Variants in KIT observed in about 807,000 individuals in gnomAD.
The protein encoded by KIT is KIT proto-oncogene, receptor tyrosine kinase, also known as mast/stem cell growth factor receptor Kit.
In KIT, 16 loss-of-function variants were observed where a neutral mutation model predicts 105.7. That is an observed-to-expected ratio of 0.15 (90% CI 0.10 to 0.23). KIT has a LOEUF of 0.23. Among genes scored for constraint, KIT ranks in the 10% least tolerant of loss-of-function variants. The probability of loss-of-function intolerance (pLI) is 1.00; values close to 1 mark genes in which losing one functional copy is unlikely to be tolerated. For missense variants in KIT, 858 were observed against 1,213.8 expected, an observed-to-expected ratio of 0.71 and a Z score of 4.36; for synonymous variants, 438 against 441.1, an observed-to-expected ratio of 0.99 and a Z score of 0.09.
chr4:54,705,837 G>A (rs972856575), intron 5 of KIT, among the ~76,000 whole-genome samples: 7 of 152,144 alleles, frequency 4.6e-5, no homozygotes, highest in Non-Finnish European at 1.0e-4. Context: ...AGCTGTGATC[G>A]TGCCACTGTG....
At chr4:54,712,012 A>G (rs1463775206) in intron 7 of KIT, among the ~76,000 whole-genome samples, 4 of 152,074 alleles carry the variant, frequency 2.6e-5, no homozygotes, top group Non-Finnish European at 4.4e-5. Flanking sequence ...AAAAGTCTTA[A>G]TGTTCATCTC....
chr4:54,688,767 C>T (rs1371305596), intron 1 of KIT, among the ~76,000 whole-genome samples: 3 of 151,782 alleles, frequency 2.0e-5, no homozygotes, highest in African/African-American at 7.3e-5. Flanking sequence ...TTTATTTTTA[C>T]GAATTGTGGT....
rs138794872 is a variant in KIT at position 54,693,959 on chromosome 4, G to A, written c.68-1553G>A. 6.6e-5 allele frequency among the ~76,000 whole-genome samples: 10 copies of A among 152,172 alleles called. No individual in the cohort carries two copies. The East Asian group carries it at 1.7e-3, about 26-fold the overall frequency. The stretch of plus-strand genomic sequence containing the variant: ...GTAGGTTCTCATTACTTCTGCCTGC[G>A]ACCAGCATGTTTCACTCATTTCCTT... On this transcript the variant is annotated intron_variant, in intron 1 of 20. Coordinates refer to ENST00000288135, the MANE Select transcript of KIT (RefSeq NM_000222.3).
At chr4:54,730,689 G>A (rs1722530226) in intron 14 of KIT, among the ~76,000 whole-genome samples, 1 of 152,060 alleles carries the variant, frequency 6.6e-6, no homozygotes, top group African/African-American at 2.4e-5. Context: ...TGTGCTTTGG[G>A]ATCCCATATG....
At chr4:54,738,207 A>G (rs1348061260) in intron 20 of KIT, among the ~76,000 whole-genome samples, 2 of 152,144 alleles carry the variant, frequency 1.3e-5, no homozygotes, top group Non-Finnish European at 2.9e-5. Context: ...TTTTGTCCCC[A>G]CTTCTTGTAT....
chr4:54,705,405 A>G (rs555401708), intron 5 of KIT, among the ~76,000 whole-genome samples: 43 of 152,166 alleles, frequency 2.8e-4, no homozygotes, highest in Non-Finnish European at 8.8e-5. Flanking sequence ...TGAAGAGAAC[A>G]GGGCTTTGGT....
intron 1 of KIT, among the ~76,000 whole-genome samples, chr4:54,686,417 A>G (rs1441574734): frequency 6.6e-6 from 1 of 152,228 alleles, no homozygotes; most frequent in Non-Finnish European, 1.5e-5. Flanking sequence ...TTTAAAAGCT[A>G]AACAGAAATT....
At chr4:54,670,836 G>T (rs980695910) in intron 1 of KIT, among the ~76,000 whole-genome samples, 1 of 152,128 alleles carries the variant, frequency 6.6e-6, no homozygotes, top group Non-Finnish European at 1.5e-5. Flanking sequence ...GGCTTGCTGG[G>T]TTTCACCACT....
chr4:54,723,888 G>A (rs1722055558), intron 8 of KIT, among the ~76,000 whole-genome samples, 190 bp downstream of exon 8: 1 of 151,994 alleles, frequency 6.6e-6, no homozygotes, highest in Non-Finnish European at 1.5e-5. Context: ...TTTGTTTGCT[G>A]AAAAATCATT....
At chr4:54,675,800 C>G (rs1718423208) in intron 1 of KIT, among the ~76,000 whole-genome samples, 1 of 152,108 alleles carries the variant, frequency 6.6e-6, no homozygotes, top group Non-Finnish European at 1.5e-5. Flanking sequence ...GAGGATCTCA[C>G]TGGATTAGTA....
At chr4:54,718,221 C>T (rs1721625102) in intron 7 of KIT, among the ~76,000 whole-genome samples, 1 of 152,206 alleles carries the variant, frequency 6.6e-6, no homozygotes, top group South Asian at 2.1e-4. Flanking sequence ...CTGCCTCAGC[C>T]TCCCGAGTAG....
At position 54,658,091 on chromosome 4, in the gene KIT, C is replaced by T. The variant is rs1577898787; in HGVS notation, c.67+10C>T. On this transcript the variant is annotated intron_variant, in intron 1 of 20. Transcript: ENST00000288135. ...CTTCGCGTCCAGACAGGTGGGACAC[C>T]GCGGCTGGCACCCCGACCGTGCGAC... is the stretch of plus-strand genomic sequence containing the variant. The T allele has an allele frequency of 1.2e-6, 2 of 1,613,494 alleles. No homozygotes were observed. The highest frequency in any genetic ancestry group is 1.7e-6 in the Non-Finnish European group (2 of 1,179,646).
rs752695117 is a variant in KIT, at chr4:54,736,553, C to T, written c.2540C>T (p.Thr847Met). 1.2e-5 allele frequency: 19 copies of T among 1,613,940 alleles called. No homozygotes were observed. The highest frequency in any genetic ancestry group is 4.5e-5 in the East Asian group (2 of 44,898). The change falls in exon 18 of 21, where the codon ACG becomes ATG. Residue 847 changes from threonine (T) to methionine (M), a missense_variant. Physicochemically the swap from Thr to Met is moderately conservative, Grantham distance 81. This residue lies in a region of KIT where 63 missense variants were observed against 137.4 expected (regional missense o/e 0.46). Transcript: ENST00000288135. ...APESIFNCVY[T>M]FESDVWSYGI... ...GAAAGCATTTTCAACTGTGTATACA[C>T]GTTTGAAAGTGACGTCTGGTCCTAT...
rs544021839 is a variant in KIT, at chr4:54,665,928, T to C, written c.67+7847T>C. On this transcript the variant is annotated intron_variant, in intron 1 of 20. Coordinates refer to ENST00000288135, the MANE Select transcript of KIT (RefSeq NM_000222.3). Reference sequence around the variant, plus strand: ...GTATGTTAACTGTGAACCAGTCTTATGGTGAAAAGTAAGTTTTCATGAAAA... The same window carrying C: ...GTATGTTAACTGTGAACCAGTCTTACGGTGAAAAGTAAGTTTTCATGAAAA... Among the ~76,000 whole-genome samples the C allele has an allele frequency of 1.3e-4, 20 of 152,290 alleles. No homozygotes were observed. The South Asian group carries it at 3.9e-3, about 30-fold the overall frequency.
At chr4:54,718,969 T>C (rs1577981882) in intron 7 of KIT, among the ~76,000 whole-genome samples, 1 of 152,206 alleles carries the variant, frequency 6.6e-6, no homozygotes, top group East Asian at 1.9e-4. Context: ...AATGGTATTA[T>C]GGCACAAGTG....
chr4:54,727,766 C>T (rs1722333101), intron 11 of KIT, 57 bp from the exon 12 acceptor site: 5 of 1,403,390 alleles, frequency 3.6e-6, no homozygotes, highest in African/African-American at 1.4e-5. Context: ...CACAAATGGT[C>T]CTTCAATTCC....
At chr4:54,661,865 G>T (rs1309866638) in intron 1 of KIT, among the ~76,000 whole-genome samples, 1 of 152,168 alleles carries the variant, frequency 6.6e-6, no homozygotes, top group East Asian at 1.9e-4. Flanking sequence ...AGTTGAGTCG[G>T]CTTGGCCCAG....
rs148527950 is a variant in KIT at position 54,682,299 on chromosome 4, A to C, written c.68-13213A>C. The stretch of plus-strand genomic sequence containing the variant: ...GAGATGATGTTTAGCCACATTGCAC[A>C]AGCTGGTCTTGAGCTCCTGGGTAAG... On this transcript the variant is annotated intron_variant, in intron 1 of 20. Coordinates refer to ENST00000288135, the MANE Select transcript of KIT (RefSeq NM_000222.3). Among the ~76,000 whole-genome samples, 1,383 of 152,088 alleles carry C rather than the reference A, an allele frequency of 9.1e-3. 16 individuals carry two copies. Among genetic ancestry groups the C allele is most frequent in the Non-Finnish European group, 0.012 (787 of 67,978 alleles).
chr4:54,663,265 G>C (rs1717425673), intron 1 of KIT, among the ~76,000 whole-genome samples: 1 of 152,154 alleles, frequency 6.6e-6, no homozygotes, highest in South Asian at 2.1e-4. Flanking sequence ...TTCCAGTTCT[G>C]CCTCTTCCCT....
Sources: allele counts gnomAD v4.1 joint callset (sites outside exome capture counted in the v4.1 genomes callset), GRCh38; gene constraint gnomAD v4.1.1; regional missense constraint gnomAD v4.1.1; transcripts MANE v1.5; gene names NCBI Gene and HGNC (gene_info 2026-07-23, HGNC 2026-07-21).